Variants in CNTN5 observed in about 807,000 individuals in gnomAD.
CNTN5 encodes contactin 5, also known as contactin-5.
A neutral mutation model predicts 129.1 loss-of-function variants in CNTN5; 77 were observed. The ratio of observed to expected loss-of-function variants is 0.60; its 90% CI spans 0.50 to 0.72. The LOEUF (loss-of-function observed/expected upper bound fraction) is 0.72, where lower values mean the gene tolerates loss of function less well. CNTN5 is among the 30% of genes least tolerant of loss of function. The pLI, the probability that CNTN5 is intolerant of heterozygous loss-of-function variation, is 0.00. For synonymous variants in CNTN5, 509 were observed against 465.6 expected, an observed-to-expected ratio of 1.09 and a Z score of -1.20; for missense variants, 1,478 against 1,328.8, an observed-to-expected ratio of 1.11 and a Z score of -1.75.
intron 3 of CNTN5, among the ~76,000 whole-genome samples, chr11:99,600,950 A>G (rs1950294154): frequency 6.6e-6 from 1 of 152,190 alleles, no homozygotes; most frequent in Non-Finnish European, 1.5e-5. Context: ...ATCAAGCAGC[A>G]TTTATATCTA....
chr11:99,822,009 A>C, intron 4 of CNTN5, among the ~76,000 whole-genome samples: 1 of 152,134 alleles, frequency 6.6e-6, no homozygotes, highest in East Asian at 1.9e-4. Flanking sequence ...TGTGACTTTG[A>C]GTTCTTTTTC....
intron 3 of CNTN5, among the ~76,000 whole-genome samples, chr11:99,719,297 G>A (rs1267853152): frequency 6.6e-6 from 1 of 151,898 alleles, no homozygotes; most frequent in Non-Finnish European, 1.5e-5. Flanking sequence ...TCCTGCTTGG[G>A]CGAGAGAATG....
intron 1 of CNTN5, among the ~76,000 whole-genome samples, chr11:99,318,052 A>G (rs1865418917): frequency 6.6e-6 from 1 of 152,208 alleles, no homozygotes; most frequent in Non-Finnish European, 1.5e-5. Flanking sequence ...CTTTAATGAC[A>G]TTTCAAACGT....
At chr11:99,259,148 G>T (rs910978319) in intron 1 of CNTN5, among the ~76,000 whole-genome samples, 16 of 151,806 alleles carry the variant, frequency 1.1e-4, no homozygotes, top group Admixed American at 4.6e-4. Context: ...TATGCATAAG[G>T]TATCATGTTT....
intron 8 of CNTN5, among the ~76,000 whole-genome samples, chr11:99,992,125 G>A (rs529524566): frequency 9.2e-5 from 14 of 152,288 alleles, no homozygotes; most frequent in African/African-American, 2.9e-4. Flanking sequence ...TTAGACATAC[G>A]AAAATGATCA....
At chr11:99,727,446 G>A (rs1394938492) in intron 3 of CNTN5, among the ~76,000 whole-genome samples, 1 of 151,218 alleles carries the variant, frequency 6.6e-6, no homozygotes. Context: ...TGACAAGATA[G>A]AGCATGTCAC....
rs186728186 is a variant in CNTN5 at position 100,097,140 on chromosome 11, G to A, written c.1580+22846G>A. On this transcript the variant is annotated intron_variant, in intron 13 of 24. Transcript: ENST00000524871. ...ATGTACTTTTTCCTAAGTGATTCTG[G>A]GGCAGAAAAATACCTTTATAATCCT... Among the ~76,000 whole-genome samples the A allele has an allele frequency of 6.5e-3, 994 of 152,142 alleles. 8 individuals are homozygous for A. Among genetic ancestry groups the A allele is most frequent in the Middle Eastern group, 0.014 (4 of 294 alleles).
intron 13 of CNTN5, among the ~76,000 whole-genome samples, chr11:100,104,260 C>A (rs753243505): frequency 2.0e-5 from 3 of 151,846 alleles, no homozygotes; most frequent in Non-Finnish European, 2.9e-5. Flanking sequence ...ACTCCCAGCT[C>A]ATTTTTATAT....
At chr11:99,249,612 G>T (rs1453470279) in intron 1 of CNTN5, among the ~76,000 whole-genome samples, 1 of 151,906 alleles carries the variant, frequency 6.6e-6, no homozygotes, top group Non-Finnish European at 1.5e-5. Flanking sequence ...TTTTTAAAAA[G>T]GGTATGTTAT....
intron 3 of CNTN5, among the ~76,000 whole-genome samples, chr11:99,738,946 T>C (rs4582935): frequency 0.23 from 34,267 of 152,048 alleles, 4,240 homozygotes; most frequent in Admixed American, 0.35. Context: ...TGTATGTGTA[T>C]GTGTATGTAT....
chr11:99,861,641 A>G (rs1249187207), intron 6 of CNTN5, among the ~76,000 whole-genome samples: 4 of 152,322 alleles, frequency 2.6e-5, no homozygotes, highest in African/African-American at 7.2e-5. Flanking sequence ...TAATTTGACT[A>G]TAAATATTAT....
At chr11:99,190,981 C>CAT (rs1858612543) in intron 1 of CNTN5, among the ~76,000 whole-genome samples, 1 of 151,442 alleles carries the variant, frequency 6.6e-6, no homozygotes, top group East Asian at 1.9e-4. Flanking sequence ...CTGTGTTTAC[C>CAT]ATATATATTG....
At chr11:99,734,105 T>C (rs917343552) in intron 3 of CNTN5, among the ~76,000 whole-genome samples, 4 of 152,180 alleles carry the variant, frequency 2.6e-5, no homozygotes, top group African/African-American at 9.7e-5. Context: ...GGAGAGAATT[T>C]TATGAGTACA....
rs182559013 is a variant in CNTN5 at position 99,449,582 on chromosome 11, T to C, written c.-70-106563T>C. 1.1e-3 allele frequency among the ~76,000 whole-genome samples: 169 copies of C among 152,330 alleles called. 1 individual carries two copies. Among genetic ancestry groups the C allele is most frequent in the African/African-American group, 4.0e-3 (165 of 41,576 alleles). ...CTTACTGCCTTGTAAAAATAATTTA[T>C]TATTTCTCATGATTCTGTGGATTAG... On this transcript the variant is annotated intron_variant, in intron 2 of 24. Transcript: ENST00000524871.
At chr11:99,143,438 A>T (rs1247021946) in intron 1 of CNTN5, among the ~76,000 whole-genome samples, 2 of 150,416 alleles carry the variant, frequency 1.3e-5, no homozygotes, top group African/African-American at 4.9e-5. Context: ...TTGAAATAAA[A>T]TGGCAGATCA....
At chr11:99,464,854 AC>A (rs1944872216) in intron 2 of CNTN5, among the ~76,000 whole-genome samples, 1 of 152,188 alleles carries the variant, frequency 6.6e-6, no homozygotes. Flanking sequence ...GAGATTGGTA[AC>A]CAACTCATTT....
intron 3 of CNTN5, among the ~76,000 whole-genome samples, chr11:99,773,654 A>C (rs1945019553): frequency 6.6e-6 from 1 of 152,008 alleles, no homozygotes; most frequent in Non-Finnish European, 1.5e-5. Context: ...AATTAGCAAT[A>C]ATTTTTTAAA....
Position 99,957,012 on chromosome 11 carries a change from A to G in CNTN5, c.877+3A>G. On this transcript the variant is annotated splice_donor_region_variant and intron_variant, in intron 8 of 24. Coordinates refer to ENST00000524871, the MANE Select transcript of CNTN5 (RefSeq NM_014361.4). Reference sequence around the variant, plus strand: ...GCCACTCACTCTGCGTAATGATGGTAAGTTGCTTGGCCCGTTAAAATGGTC... The same window carrying G: ...GCCACTCACTCTGCGTAATGATGGTGAGTTGCTTGGCCCGTTAAAATGGTC... 1.2e-6 allele frequency: 2 copies of G among 1,612,700 alleles called. No homozygotes were observed. The highest frequency in any genetic ancestry group is 1.7e-6 in the Non-Finnish European group (2 of 1,179,154).
At chr11:100,342,160 C>CACACACACACAT (rs941576393) in intron 23 of CNTN5, among the ~76,000 whole-genome samples, 1 of 150,844 alleles carries the variant, frequency 6.6e-6, no homozygotes, top group African/African-American at 2.4e-5. Context: ...CAGACACACA[C>CACACACACACAT]ACACACACAC....
Sources: allele counts gnomAD v4.1 joint callset (sites outside exome capture counted in the v4.1 genomes callset), GRCh38; gene constraint gnomAD v4.1.1; transcripts MANE v1.5; gene names NCBI Gene and HGNC (gene_info 2026-07-23, HGNC 2026-07-21).